The following RSF1 variants were observed in gnomAD, a reference collection of about 807,000 sequenced individuals.
The protein encoded by RSF1 is HBV pX-associated protein 8.
Under a neutral mutation model 145.2 loss-of-function variants are expected in RSF1, and 13 were observed. The ratio of observed to expected loss-of-function variants is 0.09; its 90% CI spans 0.06 to 0.14. The LOEUF is 0.14. RSF1 is among the 10% of genes least tolerant of loss of function. The probability of loss-of-function intolerance (pLI) is 1.00; values close to 1 mark genes in which losing one functional copy is unlikely to be tolerated. For synonymous variants in RSF1, 577 were observed against 592.6 expected (o/e 0.97, Z 0.38); for missense variants, 1,517 against 1,718.2 (o/e 0.88, Z 2.07).
rs1375136544 is a variant in RSF1, at chr11:77,665,121, A to G, written c.*1796T>C. The stretch of plus-strand genomic sequence containing the variant: ...TAAACTTTCAAGGCCAAAAGATAAG[A>G]TTTAAGGGCAATACCTGTTGAAGAA... On this transcript the variant is annotated 3_prime_UTR_variant, in exon 16 of 16. Coordinates refer to ENST00000308488, the MANE Select transcript of RSF1 (RefSeq NM_016578.4). 1.3e-5 allele frequency: 2 copies of G among 152,220 alleles called. No individual in the cohort carries two copies. The highest frequency in any genetic ancestry group is 2.9e-5 in the Non-Finnish European group (2 of 68,050). 9.4% of individuals were successfully genotyped at this position (152,220 alleles called of 1,614,324 possible). A position where few individuals can be genotyped will look rare whatever the true frequency, so the allele number is the denominator to read the frequency against.
At chr11:77,815,747 TA>T (rs969194599) in intron 1 of RSF1, among the ~76,000 whole-genome samples, 1 of 149,910 alleles carries the variant, frequency 6.7e-6, no homozygotes. Flanking sequence ...AATGTTTTTT[TA>T]AAAAAATAAT....
At chr11:77,820,833 T>G, upstream of RSF1, 4 of 1,061,862 alleles carry the variant, frequency 3.8e-6, no homozygotes, top group Non-Finnish European at 5.3e-6. Context: ...CCTCTGCGGA[T>G]CCCAGCGTCT....
intron 1 of RSF1, among the ~76,000 whole-genome samples, chr11:77,801,367 G>A (rs1340953597): frequency 6.6e-6 from 1 of 152,216 alleles, no homozygotes; most frequent in African/African-American, 2.4e-5. Context: ...GGCGGAGGCT[G>A]CAATAAGCTG....
chr11:77,759,665 C>T (rs552138103), intron 2 of RSF1, among the ~76,000 whole-genome samples: 123 of 151,922 alleles, frequency 8.1e-4, no homozygotes, highest in African/African-American at 2.7e-3. Flanking sequence ...TCCAGCCTGG[C>T]GAAAAAGCAA....
intron 15 of RSF1, among the ~76,000 whole-genome samples, chr11:77,667,861 G>A (rs1193383517): frequency 2.0e-5 from 3 of 151,376 alleles, no homozygotes; most frequent in Non-Finnish European, 4.4e-5. Flanking sequence ...CAGCCACCAC[G>A]CCTGGCTAAC....
chr11:77,682,110 G>A (rs1944421473), intron 11 of RSF1, among the ~76,000 whole-genome samples: 1 of 152,090 alleles, frequency 6.6e-6, no homozygotes, highest in Admixed American at 6.6e-5. Context: ...TGTCAGCTTT[G>A]ACTTCATACA....
intron 5 of RSF1, chr11:77,717,566 C>T (rs906983609): frequency 6.6e-6 from 1 of 152,168 alleles, no homozygotes; most frequent in Non-Finnish European, 1.5e-5. Context: ...ATACTGAAAC[C>T]TAAGAAGGAT....
chr11:77,675,339 G>T, intron 13 of RSF1, 83 bp from the exon 14 acceptor site: 1 of 1,031,624 alleles, frequency 9.7e-7, no homozygotes, highest in Non-Finnish European at 1.4e-6. Context: ...AAATTCTGGT[G>T]AGCCCAGTGA....
upstream of RSF1, chr11:77,821,241 GGTGA>G (rs1200594869): frequency 4.0e-6 from 1 of 252,174 alleles, no homozygotes; most frequent in East Asian, 7.6e-5. Context: ...CAGTGCGGTG[GGTGA>G]GTTTGCGGGG....
At chr11:77,685,587 T>C (rs1166912070) in intron 9 of RSF1, among the ~76,000 whole-genome samples, 2 of 152,224 alleles carry the variant, frequency 1.3e-5, no homozygotes, top group Non-Finnish European at 2.9e-5. Context: ...TGACCACTGC[T>C]CCTGGCCCAT....
chr11:77,661,000 C>G lies in RSF1; in HGVS notation c.*5917G>C, dbSNP rs1040798226. On this transcript the variant is annotated 3_prime_UTR_variant, in exon 16 of 16. Transcript: ENST00000308488. The stretch of plus-strand genomic sequence containing the variant: ...GCCATGTAAAAGACTGTGCTAGAAT[C>G]AGAAGTTCTACAAGATTTCAAAATA... 6.6e-6 allele frequency: 1 copy of G among 152,146 alleles called. No homozygotes were observed. The highest frequency in any genetic ancestry group is 1.5e-5 in the Non-Finnish European group (1 of 68,010). 9.4% of individuals were successfully genotyped at this position (152,146 alleles called of 1,614,324 possible).
the RSF1 span, among the ~76,000 whole-genome samples, chr11:77,848,914 C>A: frequency 7.9e-4 from 120 of 152,204 alleles, no homozygotes; most frequent in African/African-American, 2.7e-3. Flanking sequence ...TCTTATCATC[C>A]CAACTAGCTA....
the RSF1 span, among the ~76,000 whole-genome samples, chr11:77,857,497 C>T: frequency 1.3e-5 from 2 of 152,122 alleles, no homozygotes; most frequent in African/African-American, 2.4e-5. Flanking sequence ...GCTCTAAAGT[C>T]ATATAATTGG....
At chr11:77,811,655 C>T (rs1948732715) in intron 1 of RSF1, among the ~76,000 whole-genome samples, 1 of 152,168 alleles carries the variant, frequency 6.6e-6, no homozygotes, top group African/African-American at 2.4e-5. Flanking sequence ...AAATGTAAAA[C>T]AACCTTTCAC....
chr11:77,798,268 C>T (rs1158971772), intron 1 of RSF1, among the ~76,000 whole-genome samples: 1 of 152,086 alleles, frequency 6.6e-6, no homozygotes. Flanking sequence ...AAATGTCCAT[C>T]AATGATAGGC....
chr11:77,730,337 C>T (rs7109199), intron 4 of RSF1, among the ~76,000 whole-genome samples: 27,208 of 152,008 alleles, frequency 0.18, 3,060 homozygotes, highest in African/African-American at 0.3. Context: ...ATTCAACTTT[C>T]TGAAAATGAC....
the RSF1 span, among the ~76,000 whole-genome samples, chr11:77,830,987 CAAAAAAAAA>C: frequency 6.0e-5 from 6 of 100,514 alleles, no homozygotes; most frequent in South Asian, 3.5e-4. Context: ...CAAAATATAC[CAAAAAAAAA>C]AAAAAAAAAA....
At chr11:77,708,235 C>G (rs770003601) in intron 5 of RSF1, among the ~76,000 whole-genome samples, 6 of 152,114 alleles carry the variant, frequency 3.9e-5, no homozygotes, top group Non-Finnish European at 8.8e-5. Context: ...GCCTGGGCAA[C>G]ATAATAAAAC....
chr11:77,772,154 G>T (rs185589656), intron 1 of RSF1, among the ~76,000 whole-genome samples: 2 of 151,742 alleles, frequency 1.3e-5, no homozygotes, highest in Non-Finnish European at 2.9e-5. Context: ...TCAAATAAAT[G>T]TATTTGTACA....
Sources: gnomAD v4.1 joint callset for allele counts (sites outside exome capture counted in the v4.1 genomes callset) on GRCh38, gnomAD v4.1.1 for gene constraint, MANE v1.5 for transcripts, NCBI Gene and HGNC (gene_info 2026-07-23, HGNC 2026-07-21) for gene names.